Variants in PCDHA11 observed in about 807,000 individuals in gnomAD.
The protein encoded by PCDHA11 is protocadherin alpha-11.
Under a neutral mutation model 70.3 loss-of-function variants are expected in PCDHA11, and 61 were observed. That is an observed-to-expected ratio of 0.87 (90% CI 0.71 to 1.07). PCDHA11 has a LOEUF of 1.07. PCDHA11 is among the 50% of genes least tolerant of loss of function. The pLI, the probability that PCDHA11 is intolerant of heterozygous loss-of-function variation, is 0.00. For missense variants in PCDHA11, 1,324 were observed against 1,237.5 expected, an observed-to-expected ratio of 1.07 and a Z score of -1.05; for synonymous variants, 633 against 555.1, an observed-to-expected ratio of 1.14 and a Z score of -1.97.
At chr5:140,957,029 T>G (rs782472701) in intron 1 of PCDHA11, among the ~76,000 whole-genome samples, 4 of 152,190 alleles carry the variant, frequency 2.6e-5, no homozygotes, top group African/African-American at 4.8e-5. Flanking sequence ...TTTAGATATT[T>G]ATGGGAGTCA....
chr5:140,899,607 TC>T (rs1301087468), intron 1 of PCDHA11, among the ~76,000 whole-genome samples: 11 of 152,322 alleles, frequency 7.2e-5, no homozygotes, highest in African/African-American at 2.6e-4. Flanking sequence ...GACTTTTGCA[TC>T]AATGTTCATC....
At chr5:140,982,694 A>G in intron 3 of PCDHA11, 131 bp downstream of exon 3, 1 of 1,402,998 alleles carries the variant, frequency 7.1e-7, no homozygotes, top group Non-Finnish European at 9.4e-7. Flanking sequence ...TTCCATACAT[A>G]CATGATTTCC....
chr5:140,927,702 C>A lies in PCDHA11; in HGVS notation c.2392-51247C>A, dbSNP rs533775539. ...AAGGGTCCAATGGGGAAGTCCAGTACTCCCTAAGCAACAGCACGCAAGCAG... is the reference window on the plus strand; with the variant it reads ...AAGGGTCCAATGGGGAAGTCCAGTAATCCCTAAGCAACAGCACGCAAGCAG... On this transcript the variant is annotated intron_variant, in intron 1 of 3. Coordinates refer to ENST00000398640, the MANE Select transcript of PCDHA11 (RefSeq NM_018902.5). 6.8e-6 allele frequency: 11 copies of A among 1,614,092 alleles called. 1 individual carries two copies. The South Asian group carries it at 1.2e-4, about 18-fold the overall frequency.
Position 140,870,778 on chromosome 5 carries a change from G to T in PCDHA11, c.1675G>T (p.Asp559Tyr). The T allele has an allele frequency of 1.2e-6, 2 of 1,613,620 alleles. No homozygotes were observed. Among genetic ancestry groups the T allele is most frequent in the South Asian group, 1.1e-5 (1 of 91,078 alleles). The change falls in exon 1 of 4, where the codon GAC (aspartate) becomes TAC (tyrosine). Residue 559 changes from aspartate to tyrosine, a missense_variant. Coordinates refer to ENST00000398640, the MANE Select transcript of PCDHA11 (RefSeq NM_018902.5). Reference protein sequence around the residue: ...TLQVFVLDENDNAPALLATQA... With the variant: ...TLQVFVLDENYNAPALLATQA... ...GCAGGTGTTCGTGCTGGACGAGAAC[G>T]ACAACGCGCCGGCACTGCTGGCGAC... is the stretch of plus-strand genomic sequence containing the variant.
intron 1 of PCDHA11, among the ~76,000 whole-genome samples, chr5:140,897,646 C>T (rs1336141431): frequency 1.3e-5 from 2 of 152,128 alleles, no homozygotes; most frequent in African/African-American, 4.8e-5. Flanking sequence ...CCACAATAAA[C>T]ATACGTGTGC....
rs114148884 is a variant in PCDHA11 at position 140,924,440 on chromosome 5, C to T, written c.2391+52946C>T. ...CTTTCTAGTTCCCTAGAAGAGATAA[C>T]GAATGGGTTTGTGTGTTTAGGGAGG... On this transcript the variant is annotated intron_variant, in intron 1 of 3. Coordinates refer to ENST00000398640, the MANE Select transcript of PCDHA11 (RefSeq NM_018902.5). Among the ~76,000 whole-genome samples, 538 of 152,252 alleles carry T rather than the reference C, an allele frequency of 3.5e-3. 4 individuals are homozygous for T. Among genetic ancestry groups the T allele is most frequent in the African/African-American group, 0.012 (480 of 41,540 alleles).
chr5:140,870,317 C>T lies in PCDHA11; in HGVS notation c.1214C>T (p.Ser405Leu), dbSNP rs782216904. The T allele has an allele frequency of 5.6e-6, 9 of 1,614,198 alleles. No homozygotes were observed. Among genetic ancestry groups the T allele is most frequent in the South Asian group, 2.2e-5 (2 of 91,080 alleles). The change falls in exon 1 of 4, where the codon TCG becomes TTG. Residue 405 changes from serine to leucine, a missense_variant. Coordinates refer to ENST00000398640, the MANE Select transcript of PCDHA11 (RefSeq NM_018902.5). ...GTGTCCACCTTCAAGAATTACTACT[C>T]GTTGGTGCTGGACAGCGCCCTGGAC... is the stretch of plus-strand genomic sequence containing the variant. ...KLVSTFKNYY[S>L]LVLDSALDRE...
In PCDHA11 at chr5:141,011,794, G is replaced by A. The variant is rs782200485; in HGVS notation, c.*1857G>A. 2 of 153,664 alleles carry A rather than the reference G, an allele frequency of 1.3e-5. No individual in the cohort carries two copies. The highest frequency in any genetic ancestry group is 2.9e-5 in the Non-Finnish European group (2 of 68,028). The allele number at this position is 153,664 out of a possible 1,614,324, so 9.5% of individuals were successfully genotyped here. ...ATGCTTTGAAATTCTAATGGTATCT[G>A]AAATATCAGCTCATAGAAAGTAACA... On this transcript the variant is annotated 3_prime_UTR_variant, in exon 4 of 4. Coordinates refer to ENST00000398640, the MANE Select transcript of PCDHA11 (RefSeq NM_018902.5).
chr5:141,009,178 G>A (rs1233603015), intron 3 of PCDHA11, among the ~76,000 whole-genome samples: 1 of 152,212 alleles, frequency 6.6e-6, no homozygotes, highest in African/African-American at 2.4e-5. Context: ...GCCTTGGCTG[G>A]GTGTGGTAGC....
intron 1 of PCDHA11, among the ~76,000 whole-genome samples, chr5:140,873,542 T>C (rs2054341425): frequency 6.6e-6 from 1 of 152,130 alleles, no homozygotes; most frequent in Non-Finnish European, 1.5e-5. Context: ...GGTATAAAAT[T>C]ATAATTTCAA....
chr5:140,874,745 A>G (rs2055087824), intron 1 of PCDHA11, among the ~76,000 whole-genome samples: 2 of 152,242 alleles, frequency 1.3e-5, no homozygotes, highest in African/African-American at 4.8e-5. Flanking sequence ...GCATCAAGGA[A>G]CCAAACAATA....
At chr5:140,909,951 G>A (rs560555991) in intron 1 of PCDHA11, among the ~76,000 whole-genome samples, 401 of 152,302 alleles carry the variant, frequency 2.6e-3, no homozygotes, top group African/African-American at 8.3e-3. Context: ...GTAAAAAGCC[G>A]TAGGTCTCCA....
At chr5:141,004,497 T>C (rs2098168493) in intron 3 of PCDHA11, among the ~76,000 whole-genome samples, 1 of 152,218 alleles carries the variant, frequency 6.6e-6, no homozygotes, top group South Asian at 2.1e-4. Context: ...TTGGCAGTCC[T>C]GCTGTGAGGG....
At chr5:140,930,918 T>G (rs1554208161) in intron 1 of PCDHA11, among the ~76,000 whole-genome samples, 1 of 152,180 alleles carries the variant, frequency 6.6e-6, no homozygotes, top group East Asian at 1.9e-4. Context: ...ACTTTAGATG[T>G]GTATATGTGG....
At chr5:140,974,108 C>G (rs977903039) in intron 1 of PCDHA11, among the ~76,000 whole-genome samples, 1 of 152,182 alleles carries the variant, frequency 6.6e-6, no homozygotes, top group Non-Finnish European at 1.5e-5. Flanking sequence ...TAAAAGTATT[C>G]TTTTGCAGTG....
At chr5:140,994,433 T>G (rs2097622592) in intron 3 of PCDHA11, among the ~76,000 whole-genome samples, 1 of 152,204 alleles carries the variant, frequency 6.6e-6, no homozygotes, top group African/African-American at 2.4e-5. Flanking sequence ...CCGGGCGCAG[T>G]GGCTCACACC....
At chr5:140,900,489 C>G (rs1429058590) in intron 1 of PCDHA11, among the ~76,000 whole-genome samples, 8 of 152,196 alleles carry the variant, frequency 5.3e-5, no homozygotes, top group African/African-American at 1.7e-4. Context: ...GTTGGTCAGA[C>G]TGGTCTCAAA....
intron 1 of PCDHA11, among the ~76,000 whole-genome samples, chr5:140,873,360 T>C (rs1271954811): frequency 6.6e-6 from 1 of 152,170 alleles, no homozygotes; most frequent in African/African-American, 2.4e-5. Flanking sequence ...ATTTTTGGAA[T>C]AACTGAAGAT....
chr5:140,955,867 C>T (rs1208648426), intron 1 of PCDHA11, among the ~76,000 whole-genome samples: 1 of 152,136 alleles, frequency 6.6e-6, no homozygotes, highest in Non-Finnish European at 1.5e-5. Context: ...CTTCACTTCC[C>T]TTTTTAGCTG....
Sources: gnomAD v4.1 joint callset for allele counts (sites outside exome capture counted in the v4.1 genomes callset) on GRCh38, gnomAD v4.1.1 for gene constraint, MANE v1.5 for transcripts, NCBI Gene and HGNC (gene_info 2026-07-23, HGNC 2026-07-21) for gene names.